The following GTF2E2 variants were observed in gnomAD, a reference collection of about 807,000 sequenced individuals.
GTF2E2 encodes the protein general transcription factor IIE subunit 2, also known as transcription initiation factor IIE subunit beta.
Under a neutral mutation model 40.5 loss-of-function variants are expected in GTF2E2, and 21 were observed. That is an observed-to-expected ratio of 0.52 (90% CI 0.37 to 0.75). The LOEUF (loss-of-function observed/expected upper bound fraction) is 0.75, where lower values mean the gene tolerates loss of function less well. Ranked by LOEUF, GTF2E2 falls within the 30% of genes least tolerant of loss-of-function variation. GTF2E2 has a pLI of 0.00. For synonymous variants in GTF2E2, 117 were observed against 121.6 expected (o/e 0.96, Z 0.25); for missense variants, 298 against 338.4 (o/e 0.88, Z 0.94).
intron 2 of GTF2E2, among the ~76,000 whole-genome samples, chr8:30,638,037 T>C (rs948066856): frequency 2.6e-5 from 4 of 152,236 alleles, no homozygotes; most frequent in Admixed American, 6.5e-5. Flanking sequence ...ATGCAGGTAG[T>C]GTATTTACCT....
intron 6 of GTF2E2, among the ~76,000 whole-genome samples, chr8:30,587,871 T>TTAA (rs146064074): frequency 9.5e-6 from 1 of 105,066 alleles, no homozygotes; most frequent in Non-Finnish European, 1.8e-5. Context: ...GACTCCGTCT[T>TTAA]AAAAAAAAAA....
intron 6 of GTF2E2, among the ~76,000 whole-genome samples, chr8:30,603,601 A>C (rs1287203562): frequency 6.6e-6 from 1 of 152,184 alleles, no homozygotes; most frequent in African/African-American, 2.4e-5. Context: ...ACTGCCAAGA[A>C]CGTTTATAAA....
At position 30,587,923 on chromosome 8, in the gene GTF2E2, C is replaced by A. The variant is rs117449041; in HGVS notation, c.644-7527G>T. ...ACAAATGACCAACAGATATATTGCT[C>A]ATCATTGCTAATCATTAGGGAAATA... On this transcript the variant is annotated intron_variant, in intron 6 of 7. Coordinates refer to ENST00000355904, the MANE Select transcript of GTF2E2 (RefSeq NM_002095.6). Among the ~76,000 whole-genome samples, 23 of 148,362 alleles carry A rather than the reference C, an allele frequency of 1.6e-4. No individual in the cohort carries two copies. The East Asian group carries it at 4.3e-3, about 28-fold the overall frequency.
At chr8:30,614,760 T>C (rs905854138) in intron 3 of GTF2E2, 45 bp from the exon 4 acceptor site, 3 of 1,011,468 alleles carry the variant, frequency 3.0e-6, no homozygotes, top group Non-Finnish European at 3.1e-6. Context: ...TTCAAAATGC[T>C]AGATGCATTA....
intron 5 of GTF2E2, among the ~76,000 whole-genome samples, chr8:30,607,812 T>C (rs998967390): frequency 6.6e-6 from 1 of 152,322 alleles, no homozygotes; most frequent in South Asian, 2.1e-4. Context: ...CTTGAGATAT[T>C]TCGCTCCTTA....
rs867606053 is a variant in GTF2E2, at chr8:30,636,858, A to T, written c.167-1735T>A. ...CAGAGTGAGACTCCGTCTCAAAATTAAAAAAAAAAAAAAAAAGAATGCCTT... is the reference window on the plus strand; with the variant it reads ...CAGAGTGAGACTCCGTCTCAAAATTTAAAAAAAAAAAAAAAAGAATGCCTT... On this transcript the variant is annotated intron_variant, in intron 2 of 7. Coordinates refer to ENST00000355904, the MANE Select transcript of GTF2E2 (RefSeq NM_002095.6). 72 of 118,428 alleles carry T rather than the reference A, an allele frequency of 6.1e-4. No individual in the cohort carries two copies. The South Asian group carries it at 0.014, about 23-fold the overall frequency. The allele number at this position is 118,428 out of a possible 1,614,324, so 7.3% of individuals were successfully genotyped here. A position where few individuals can be genotyped will look rare whatever the true frequency, so the allele number is the denominator to read the frequency against.
chr8:30,593,364 T>C (rs1383708601), intron 6 of GTF2E2, among the ~76,000 whole-genome samples: 4 of 152,246 alleles, frequency 2.6e-5, no homozygotes, highest in African/African-American at 4.8e-5. Context: ...AGTCTAACTG[T>C]GGATGTATGT....
At chr8:30,619,418 C>T (rs1247021563) in intron 3 of GTF2E2, among the ~76,000 whole-genome samples, 12 of 141,550 alleles carry the variant, frequency 8.5e-5, no homozygotes, top group East Asian at 6.2e-4. Context: ...GACGGAGTTT[C>T]GCTCTTGGTG....
At chr8:30,641,811 G>C (rs944490782) in intron 2 of GTF2E2, among the ~76,000 whole-genome samples, 4 of 152,100 alleles carry the variant, frequency 2.6e-5, no homozygotes, top group African/African-American at 9.7e-5. Context: ...AGGATGCAGA[G>C]GTTGCAGTGA....
At chr8:30,620,982 T>C (rs1372840183) in intron 3 of GTF2E2, among the ~76,000 whole-genome samples, 2 of 150,986 alleles carry the variant, frequency 1.3e-5, no homozygotes, top group African/African-American at 4.9e-5. Context: ...AGCAGTGCAG[T>C]AGACTTTTGG....
At chr8:30,637,345 G>A in intron 2 of GTF2E2, 1 of 454,702 alleles carries the variant, frequency 2.2e-6, no homozygotes, top group Non-Finnish European at 4.4e-6. Flanking sequence ...ATCACAAACA[G>A]TTGTGCTTAT....
At chr8:30,616,556 G>A (rs1262060971) in intron 3 of GTF2E2, among the ~76,000 whole-genome samples, 1 of 152,246 alleles carries the variant, frequency 6.6e-6, no homozygotes, top group East Asian at 1.9e-4. Flanking sequence ...AAATACTCAG[G>A]AGGATACTAG....
chr8:30,603,926 T>G (rs1178771909), intron 6 of GTF2E2, among the ~76,000 whole-genome samples: 1 of 152,122 alleles, frequency 6.6e-6, no homozygotes, highest in African/African-American at 2.4e-5. Context: ...CTATTAAATT[T>G]GAAATTTTAA....
chr8:30,582,240 G>C (rs955554232), intron 6 of GTF2E2, among the ~76,000 whole-genome samples: 2 of 152,128 alleles, frequency 1.3e-5, no homozygotes, highest in Admixed American at 1.3e-4. Flanking sequence ...CCTAGGCTGG[G>C]CTCAAACTCC....
intron 2 of GTF2E2, among the ~76,000 whole-genome samples, chr8:30,646,812 T>C (rs1033400338): frequency 6.6e-6 from 1 of 151,824 alleles, no homozygotes; most frequent in African/African-American, 2.4e-5. Flanking sequence ...AAACCCCGTC[T>C]ATACTAAAAA....
chr8:30,612,354 C>T lies in GTF2E2; in HGVS notation c.494G>A (p.Gly165Glu). The change falls in exon 5 of 8, where the codon GGA (glycine) becomes GAA (glutamate). Residue 165 changes from glycine (G) to glutamate (E), a missense_variant. Gly to Glu is a moderately conservative substitution (Grantham distance 98). Coordinates refer to ENST00000355904, the MANE Select transcript of GTF2E2 (RefSeq NM_002095.6). The stretch of plus-strand genomic sequence containing the variant: ...TTCTTCTATGTCTTCTAAAAGAATT[C>T]CTCCTAATCCTCGCTGGTCATGCTG... ...LDQHDQRGLGGILLEDIEEAL... is the reference protein window; with the variant it reads ...LDQHDQRGLGEILLEDIEEAL... The T allele has an allele frequency of 6.2e-7, 1 of 1,613,004 alleles. No homozygotes were observed. Among genetic ancestry groups the T allele is most frequent in the Non-Finnish European group, 8.5e-7 (1 of 1,179,096 alleles).
intron 3 of GTF2E2, among the ~76,000 whole-genome samples, chr8:30,618,067 G>A (rs1800975262): frequency 6.6e-6 from 1 of 152,132 alleles, no homozygotes; most frequent in African/African-American, 2.4e-5. Context: ...GGGAGGCCGA[G>A]GCAGATGGAT....
chr8:30,598,506 G>A (rs983345055), intron 6 of GTF2E2, among the ~76,000 whole-genome samples: 3 of 152,090 alleles, frequency 2.0e-5, no homozygotes, highest in Non-Finnish European at 4.4e-5. Flanking sequence ...TATTTTCAGA[G>A]AAAAACCCTG....
At chr8:30,634,155 T>A (rs1333920655) in intron 3 of GTF2E2, among the ~76,000 whole-genome samples, 1 of 152,212 alleles carries the variant, frequency 6.6e-6, no homozygotes, top group Non-Finnish European at 1.5e-5. Flanking sequence ...TTAGTTAAGA[T>A]TCAAAGTCTT....
Sources: allele counts gnomAD v4.1 joint callset (sites outside exome capture counted in the v4.1 genomes callset), GRCh38; gene constraint gnomAD v4.1.1; transcripts MANE v1.5; gene names NCBI Gene and HGNC (gene_info 2026-07-23, HGNC 2026-07-21).